Variants in TGM6 observed in about 807,000 individuals in gnomAD.
TGM6 encodes transglutaminase 6.
In TGM6, 74 loss-of-function variants were observed where a neutral mutation model predicts 77.5. That is an observed-to-expected ratio of 0.96 (90% CI 0.79 to 1.16). TGM6 has a LOEUF of 1.16. TGM6 is among the 50% of genes most tolerant of loss of function. The pLI is 0.00. For synonymous variants in TGM6, 383 were observed against 378.9 expected, an observed-to-expected ratio of 1.01 and a Z score of -0.12; for missense variants, 968 against 940.2, an observed-to-expected ratio of 1.03 and a Z score of -0.39.
chr20:2,391,136 C>A (rs6048587), intron 1 of TGM6, among the ~76,000 whole-genome samples: 9 of 149,664 alleles, frequency 6.0e-5, no homozygotes, highest in African/African-American at 2.2e-4. Context: ...TGAGGATATG[C>A]GGGGGTGGGG....
At position 2,390,442 on chromosome 20, in the gene TGM6, A is replaced by C. The variant is rs566582746; in HGVS notation, c.8-4010A>C. On this transcript the variant is annotated intron_variant, in intron 1 of 12. Coordinates refer to ENST00000202625, the MANE Select transcript of TGM6 (RefSeq NM_198994.3). ...GGAAGCCAGGATGCCCACAGACTCCACTCCAGCCCTTGCTTGTTTGTGTGC... is the reference window on the plus strand; with the variant it reads ...GGAAGCCAGGATGCCCACAGACTCCCCTCCAGCCCTTGCTTGTTTGTGTGC... Among the ~76,000 whole-genome samples the C allele has an allele frequency of 3.7e-4, 56 of 152,182 alleles. 1 individual carries two copies. The South Asian group carries it at 0.011, about 30-fold the overall frequency.
intron 9 of TGM6, among the ~76,000 whole-genome samples, chr20:2,416,470 A>G (rs2084817488): frequency 6.6e-6 from 1 of 152,240 alleles, no homozygotes; most frequent in Admixed American, 6.5e-5. Flanking sequence ...ATGCAAAAGA[A>G]TGAAGTTGTT....
intron 3 of TGM6, 26 bp from the exon 4 acceptor site, chr20:2,396,480 C>T: frequency 6.2e-7 from 1 of 1,610,600 alleles, no homozygotes; most frequent in Non-Finnish European, 8.5e-7. Flanking sequence ...CCCCAGTCCA[C>T]ACCGGGCCTG....
Position 2,380,982 on chromosome 20 carries a change from G to A in TGM6, c.7+7G>A, listed in dbSNP as rs2084550428. Reference sequence around the variant, plus strand: ...GCTGGCCTTCACATGGCAGGTAAGTGGGCAGAGCCTGGGGCCTTGGGACAC... The same window carrying A: ...GCTGGCCTTCACATGGCAGGTAAGTAGGCAGAGCCTGGGGCCTTGGGACAC... On this transcript the variant is annotated splice_region_variant and intron_variant, in intron 1 of 12. Coordinates refer to ENST00000202625, the MANE Select transcript of TGM6 (RefSeq NM_198994.3). The A allele has an allele frequency of 1.9e-6, 3 of 1,608,688 alleles. No homozygotes were observed. Among genetic ancestry groups the A allele is most frequent in the African/African-American group, 2.7e-5 (2 of 74,876 alleles).
chr20:2,431,034 G>T lies in TGM6; in HGVS notation c.1967+7G>T, dbSNP rs756634831. ...AGGAACAGCTCAGCATCGAGTAAGT[G>T]CCAGCCTGGGGGGCTGGCAGGGAAT... On this transcript the variant is annotated splice_region_variant and intron_variant, in intron 12 of 12. Coordinates refer to ENST00000202625, the MANE Select transcript of TGM6 (RefSeq NM_198994.3). 14 of 1,613,652 alleles carry T rather than the reference G, an allele frequency of 8.7e-6. No individual in the cohort carries two copies. The East Asian group carries it at 3.1e-4, about 36-fold the overall frequency.
At chr20:2,397,665 G>A (rs2084677965) in intron 4 of TGM6, among the ~76,000 whole-genome samples, 1 of 152,204 alleles carries the variant, frequency 6.6e-6, no homozygotes, top group African/African-American at 2.4e-5. Context: ...AGACTTTATT[G>A]TGGGTAGTCA....
At chr20:2,427,035 C>A (rs2084892536) in intron 10 of TGM6, among the ~76,000 whole-genome samples, 1 of 152,050 alleles carries the variant, frequency 6.6e-6, no homozygotes. Flanking sequence ...AAGTATTTCT[C>A]TGCTTCCATT....
chr20:2,413,880 A>G (rs1456920883), intron 9 of TGM6, among the ~76,000 whole-genome samples: 1 of 152,182 alleles, frequency 6.6e-6, no homozygotes, highest in Non-Finnish European at 1.5e-5. Context: ...ACAAGTAACA[A>G]AGGAAAAAAT....
chr20:2,432,598 G>A lies in TGM6; in HGVS notation c.2076G>A (p.Pro692=), dbSNP rs201538249. 231 of 1,613,938 alleles carry A rather than the reference G, an allele frequency of 1.4e-4. No individual in the cohort carries two copies. Among genetic ancestry groups the A allele is most frequent in the Non-Finnish European group, 1.8e-4 (212 of 1,180,020 alleles). ...LQVDLVSPHF[P]DIKGFVIVHV... Reference sequence around the variant, plus strand: ...TGGACCTTGTAAGCCCTCACTTCCCGGACATCAAGGGCTTTGTGATCGTCC... The same window carrying A: ...TGGACCTTGTAAGCCCTCACTTCCCAGACATCAAGGGCTTTGTGATCGTCC... The change falls in exon 13 of 13, where the codon CCG becomes CCA. Residue 692 remains proline, a synonymous_variant. Coordinates refer to ENST00000202625, the MANE Select transcript of TGM6 (RefSeq NM_198994.3).
At position 2,399,661 on chromosome 20, in the gene TGM6, T is replaced by C. The variant is rs757325679; in HGVS notation, c.773T>C (p.Leu258Pro). ...CACTGGCGCGGCAGCGTGGCCATTC[T>C]GCAGAAGTGGCTCAAGGGCAGGTAC... is the stretch of plus-strand genomic sequence containing the variant. ...PLHWRGSVAI[L>P]QKWLKGRYKP... Residue 258 changes from leucine to proline, a missense_variant, in exon 6 of 13, where the codon CTG becomes CCG. Transcript: ENST00000202625. The C allele has an allele frequency of 1.9e-6, 3 of 1,613,836 alleles. No homozygotes were observed. The highest frequency in any genetic ancestry group is 1.3e-5 in the African/African-American group (1 of 74,942).
rs112338512 is a variant in TGM6, at chr20:2,425,220, C to T, written c.1679-5226C>T. On this transcript the variant is annotated intron_variant, in intron 10 of 12. Transcript: ENST00000202625. ...AATACCTGCTGGGTGTGGTGGCATG[C>T]TCCCATAGTCCTAGCTACCTGGAGG... Among the ~76,000 whole-genome samples, 21 of 152,102 alleles carry T rather than the reference C, an allele frequency of 1.4e-4. 2 individuals are homozygous for T. The highest frequency in any genetic ancestry group is 5.1e-4 in the African/African-American group (21 of 41,484).
Position 2,403,721 on chromosome 20 carries a change from CG to C in TGM6, c.1235del (p.Arg412LeufsTer47). ...GTGGCACGAGGATGAGAGCCGGGAG[CG>C]TGTATACTCAAACACGAAGAAGATT... ...WLWHEDESRE[R>X]VYSNTKKIGR... On this transcript the variant is annotated frameshift_variant, in exon 9 of 13. Coordinates refer to ENST00000202625, the MANE Select transcript of TGM6 (RefSeq NM_198994.3). LOFTEE classifies it high-confidence loss of function. 1 of 1,614,192 alleles carries C rather than the reference CG, an allele frequency of 6.2e-7. No individual in the cohort carries two copies. Among genetic ancestry groups the C allele is most frequent in the Non-Finnish European group, 8.5e-7 (1 of 1,180,038 alleles).
chr20:2,401,464 C>T (rs901002498), intron 7 of TGM6, among the ~76,000 whole-genome samples: 1 of 152,274 alleles, frequency 6.6e-6, no homozygotes, highest in Non-Finnish European at 1.5e-5. Flanking sequence ...ACAGTATTGG[C>T]AGCTTTATGT....
At position 2,386,449 on chromosome 20, in the gene TGM6, G is replaced by A. The variant is rs2084596540; in HGVS notation, c.7+5474G>A. On this transcript the variant is annotated intron_variant, in intron 1 of 12. Coordinates refer to ENST00000202625, the MANE Select transcript of TGM6 (RefSeq NM_198994.3). ...GGTGGTTTCTGCAAAACCCCATCAA[G>A]GAGCAAAAGAAGAAGTGTGTTCTAT... is the stretch of plus-strand genomic sequence containing the variant. 3.9e-5 allele frequency among the ~76,000 whole-genome samples: 6 copies of A among 152,106 alleles called. No homozygotes were observed. In the South Asian group the frequency reaches 1.2e-3, roughly 32 times the overall value.
intron 1 of TGM6, among the ~76,000 whole-genome samples, chr20:2,390,414 G>A (rs1304045589): frequency 4.6e-5 from 7 of 152,220 alleles, no homozygotes; most frequent in Non-Finnish European, 1.5e-5. Context: ...GTGGTCAACA[G>A]CTGGAAGCCA....
intron 1 of TGM6, among the ~76,000 whole-genome samples, chr20:2,387,372 G>C (rs2084603236): frequency 1.3e-5 from 2 of 152,232 alleles, no homozygotes; most frequent in Admixed American, 6.5e-5. Flanking sequence ...CCCTGGAACT[G>C]TTGTTCCAGC....
intron 9 of TGM6, among the ~76,000 whole-genome samples, chr20:2,412,307 T>C (rs1048924669): frequency 1.3e-5 from 2 of 152,072 alleles, no homozygotes; most frequent in African/African-American, 4.8e-5. Flanking sequence ...AGACAGAAAG[T>C]AGAATGGTGG....
At chr20:2,400,711 G>A (rs1267891374) in intron 7 of TGM6, among the ~76,000 whole-genome samples, 2 of 141,214 alleles carry the variant, frequency 1.4e-5, no homozygotes, top group Non-Finnish European at 3.1e-5. Flanking sequence ...ACTCTGTCTG[G>A]GAATCTGTGG....
At chr20:2,413,668 G>A (rs532742466) in intron 9 of TGM6, among the ~76,000 whole-genome samples, 2 of 152,152 alleles carry the variant, frequency 1.3e-5, no homozygotes, top group East Asian at 3.9e-4. Context: ...ATACCCCACT[G>A]GTTACATGAA....
Sources: gnomAD v4.1 joint callset for allele counts (sites outside exome capture counted in the v4.1 genomes callset) on GRCh38, gnomAD v4.1.1 for gene constraint, MANE v1.5 for transcripts, NCBI Gene and HGNC (gene_info 2026-07-23, HGNC 2026-07-21) for gene names.